KDM2B: variants seen among roughly 807,000 people sequenced by gnomAD.
KDM2B encodes the protein lysine demethylase 2B, also known as lysine-specific demethylase 2B.
Under a neutral mutation model 150.0 loss-of-function variants are expected in KDM2B, and 26 were observed. The observed-to-expected ratio is 0.17, with a 90% confidence interval of 0.13 to 0.24. KDM2B has a LOEUF of 0.24. Ranked by LOEUF, KDM2B falls within the 10% of genes least tolerant of loss-of-function variation. KDM2B has a pLI of 1.00. For missense variants in KDM2B, 1,265 were observed against 1,816.9 expected (o/e 0.70, Z 5.52); for synonymous variants, 734 against 729.5 (o/e 1.01, Z -0.10).
intron 22 of KDM2B, among the ~76,000 whole-genome samples, chr12:121,431,015 G>A (rs1293177066): frequency 3.9e-5 from 6 of 152,180 alleles, no homozygotes; most frequent in Non-Finnish European, 5.9e-5. Context: ...AGGGACAGCT[G>A]TTTGGCCCTA....
chr12:121,445,295 T>G lies in KDM2B; in HGVS notation c.2083A>C (p.Ile695Leu). ...LMECSICNEI[I>L]HPGCLKIKES... ...CTCACCTTAAGGCATCCAGGGTGGATGATTTCATTGCAGATGGAGCACTCC... is the reference window on the plus strand; with the variant it reads ...CTCACCTTAAGGCATCCAGGGTGGAGGATTTCATTGCAGATGGAGCACTCC... The change falls in exon 14 of 23, where the codon ATC becomes CTC. Residue 695 changes from isoleucine (I) to leucine (L), a missense_variant. Ile to Leu is a conservative substitution (Grantham distance 5). This residue lies in a region of KDM2B where 38 missense variants were observed against 98.1 expected (regional missense o/e 0.39). Coordinates refer to ENST00000377071, the MANE Select transcript of KDM2B (RefSeq NM_032590.5). 1 of 1,614,066 alleles carries G rather than the reference T, an allele frequency of 6.2e-7. No individual in the cohort carries two copies. The highest frequency in any genetic ancestry group is 8.5e-7 in the Non-Finnish European group (1 of 1,179,982).
chr12:121,414,340 T>C, the KDM2B span, among the ~76,000 whole-genome samples: 652 of 152,362 alleles, frequency 4.3e-3, 4 homozygotes, highest in Non-Finnish European at 7.1e-3. Context: ...CTAAACACTA[T>C]AGCTTTTATT....
chr12:121,568,636 C>A (rs782532970), intron 4 of KDM2B, among the ~76,000 whole-genome samples: 2 of 151,946 alleles, frequency 1.3e-5, no homozygotes, highest in Admixed American at 6.6e-5. Flanking sequence ...TGAAAACAGG[C>A]GAAACTCATC....
chr12:121,566,483 A>G lies in KDM2B; in HGVS notation c.397+8064T>C, dbSNP rs533172714. Among the ~76,000 whole-genome samples the G allele has an allele frequency of 3.9e-5, 6 of 152,160 alleles. No individual in the cohort carries two copies. The East Asian group carries it at 1.2e-3, about 29-fold the overall frequency. ...CTAAAAATATAAAAATGAGCTGGGC[A>G]TGGTGGCGGGTGCCTGTAATTCCAG... is the stretch of plus-strand genomic sequence containing the variant. On this transcript the variant is annotated intron_variant, in intron 4 of 22. Coordinates refer to ENST00000377071, the MANE Select transcript of KDM2B (RefSeq NM_032590.5).
chr12:121,520,070 T>C lies in KDM2B; in HGVS notation c.1047+915A>G, dbSNP rs994038000. On this transcript the variant is annotated intron_variant, in intron 9 of 22. Coordinates refer to ENST00000377071, the MANE Select transcript of KDM2B (RefSeq NM_032590.5). The surrounding 1 kb of genome is among the most constrained non-coding windows in gnomAD (Gnocchi z 4.5). ...ACCACGCCCAGCTTTTTTGTATTTT[T>C]GGTAAAGACAGGGTTTCATCATGTT... 2.0e-5 allele frequency among the ~76,000 whole-genome samples: 3 copies of C among 152,114 alleles called. No homozygotes were observed. Among genetic ancestry groups the C allele is most frequent in the African/African-American group, 7.2e-5 (3 of 41,420 alleles).
rs576005208 is a variant in KDM2B, at chr12:121,450,289, G to A, written c.1959+2831C>T. ...AGACTGCGCCACTGCACTCCAGCCT[G>A]GGCAAAAGAATGAGACTCTGTCTCA... On this transcript the variant is annotated intron_variant, in intron 13 of 22. Coordinates refer to ENST00000377071, the MANE Select transcript of KDM2B (RefSeq NM_032590.5). 1.1e-4 allele frequency among the ~76,000 whole-genome samples: 17 copies of A among 151,110 alleles called. No homozygotes were observed. In the South Asian group the frequency reaches 3.3e-3, roughly 30 times the overall value.
intron 8 of KDM2B, among the ~76,000 whole-genome samples, chr12:121,530,249 A>G (rs957731046): frequency 6.7e-6 from 1 of 149,668 alleles, no homozygotes; most frequent in Non-Finnish European, 1.5e-5. Context: ...AAAAAAAAAA[A>G]TACTAATCTA....
chr12:121,579,681 C>A, intron 1 of KDM2B: 2 of 1,387,324 alleles, frequency 1.4e-6, no homozygotes, highest in Non-Finnish European at 1.9e-6. Flanking sequence ...CCCACCACTC[C>A]CCGCATCCCC....
At chr12:121,539,943 T>G (rs1888467111) in intron 6 of KDM2B, among the ~76,000 whole-genome samples, 1 of 152,114 alleles carries the variant, frequency 6.6e-6, no homozygotes, top group Non-Finnish European at 1.5e-5. Flanking sequence ...TTTTGCTGTA[T>G]TGGCTAGGCT....
At chr12:121,562,848 G>C (rs1237439281) in intron 4 of KDM2B, among the ~76,000 whole-genome samples, 1 of 152,146 alleles carries the variant, frequency 6.6e-6, no homozygotes, top group Non-Finnish European at 1.5e-5. Flanking sequence ...TAATTCATAT[G>C]ACTACTGAGG....
At chr12:121,471,553 C>T (rs1880773204) in intron 12 of KDM2B, among the ~76,000 whole-genome samples, 1 of 152,100 alleles carries the variant, frequency 6.6e-6, no homozygotes, top group East Asian at 1.9e-4. Context: ...AACAGGAAGA[C>T]GATGACACTT....
At chr12:121,539,203 C>T (rs905549032) in intron 6 of KDM2B, among the ~76,000 whole-genome samples, 2 of 151,608 alleles carry the variant, frequency 1.3e-5, no homozygotes, top group South Asian at 2.1e-4. Flanking sequence ...CATAATGGTG[C>T]GCGCCTGTAG....
At chr12:121,576,755 C>T (rs907136089) in intron 2 of KDM2B, among the ~76,000 whole-genome samples, 1 of 152,186 alleles carries the variant, frequency 6.6e-6, no homozygotes, top group African/African-American at 2.4e-5. Context: ...ATTCTCACGT[C>T]CCCCAAATCC....
intron 8 of KDM2B, among the ~76,000 whole-genome samples, chr12:121,532,092 G>C (rs1432336804): frequency 6.6e-6 from 1 of 151,668 alleles, no homozygotes; most frequent in African/African-American, 2.4e-5. Flanking sequence ...CTGCACCCTA[G>C]CCTGGGTGAC....
intron 4 of KDM2B, among the ~76,000 whole-genome samples, chr12:121,561,770 T>A (rs1555313861): frequency 1.3e-5 from 2 of 152,112 alleles, no homozygotes; most frequent in Admixed American, 1.3e-4. Context: ...AACTCAAAAA[T>A]AATTTGTCTA....
In KDM2B at chr12:121,571,799, C is replaced by T. The variant is rs184451994; in HGVS notation, c.397+2748G>A. On this transcript the variant is annotated intron_variant, in intron 4 of 22. Coordinates refer to ENST00000377071, the MANE Select transcript of KDM2B (RefSeq NM_032590.5). ...CCGAGTAGCTGGGATTACAGCCGCCCGCCACTACACCCAGCTAATTTTTTG... is the reference window on the plus strand; with the variant it reads ...CCGAGTAGCTGGGATTACAGCCGCCTGCCACTACACCCAGCTAATTTTTTG... 8.3e-3 allele frequency among the ~76,000 whole-genome samples: 1,262 copies of T among 151,542 alleles called. 23 individuals carry two copies. The highest frequency in any genetic ancestry group is 0.029 in the African/African-American group (1,199 of 41,300).
chr12:121,506,113 G>A (rs1885050256), intron 11 of KDM2B, among the ~76,000 whole-genome samples: 1 of 152,094 alleles, frequency 6.6e-6, no homozygotes, highest in Non-Finnish European at 1.5e-5. Flanking sequence ...GGGCTCAAGT[G>A]ATCCTCCTGC....
At chr12:121,456,644 C>T (rs577649758) in intron 12 of KDM2B, among the ~76,000 whole-genome samples, 1 of 152,188 alleles carries the variant, frequency 6.6e-6, no homozygotes, top group Non-Finnish European at 1.5e-5. Flanking sequence ...TGCCTCTGGC[C>T]TCCCTGCCCC....
At chr12:121,545,570 G>A (rs978458157) in intron 6 of KDM2B, among the ~76,000 whole-genome samples, 1 of 152,114 alleles carries the variant, frequency 6.6e-6, no homozygotes, top group Non-Finnish European at 1.5e-5. Context: ...GTGTCACCCA[G>A]CGCAGTCTCT....
Sources: allele counts gnomAD v4.1 joint callset (sites outside exome capture counted in the v4.1 genomes callset), GRCh38; gene constraint gnomAD v4.1.1; regional missense constraint gnomAD v4.1.1; non-coding constraint Gnocchi (gnomAD v3.1); transcripts MANE v1.5; gene names NCBI Gene and HGNC (gene_info 2026-07-23, HGNC 2026-07-21).